CAPN13: variants seen among roughly 807,000 people sequenced by gnomAD.
The protein encoded by CAPN13 is calpain-13.
In CAPN13, 90 loss-of-function variants were observed where a neutral mutation model predicts 98.4. That is an observed-to-expected ratio of 0.92 (90% CI 0.77 to 1.09). CAPN13 has a LOEUF of 1.09. Among genes scored for constraint, CAPN13 ranks in the 50% least tolerant of loss-of-function variants. The pLI is 0.00. For missense variants in CAPN13, 887 were observed against 841.3 expected (o/e 1.05, Z -0.67); for synonymous variants, 330 against 305.5 (o/e 1.08, Z -0.84).
chr2:30,773,015 G>A (rs1168815375), intron 4 of CAPN13, among the ~76,000 whole-genome samples: 1 of 152,062 alleles, frequency 6.6e-6, no homozygotes, highest in African/African-American at 2.4e-5. Context: ...TAGTAGAGAT[G>A]GGGTTTCACC....
chr2:30,784,188 GA>G (rs57994890), intron 2 of CAPN13, among the ~76,000 whole-genome samples: 7 of 145,680 alleles, frequency 4.8e-5, no homozygotes, highest in East Asian at 4.0e-4. Context: ...TCAAAAAAAA[GA>G]AAAAAAAAAG....
chr2:30,731,525 C>T (rs897773025), intron 20 of CAPN13, 126 bp from the exon 21 acceptor site: 8 of 729,930 alleles, frequency 1.1e-5, no homozygotes, highest in South Asian at 4.3e-5. Flanking sequence ...TCCTGCTCCG[C>T]GGGGTGTGCC....
rs757153506 is a variant in CAPN13, at chr2:30,787,245, G to A, written c.81C>T (p.His27=). 2 of 1,613,044 alleles carry A rather than the reference G, an allele frequency of 1.2e-6. No individual in the cohort carries two copies. The highest frequency in any genetic ancestry group is 4.5e-5 in the East Asian group (2 of 44,868). Residue 27 remains histidine (H), a synonymous_variant, in exon 2 of 23, where the codon CAC becomes CAT. Coordinates refer to ENST00000295055, the MANE Select transcript of CAPN13 (RefSeq NM_144575.3). ...TAAACGTCCGGCCCATGCTCAGGCA[G>A]TGATCCCGCAAGGTGGTAAAGTCCT... ...KDQDFTTLRD[H]CLSMGRTFKD... is the part of the protein sequence containing the mutation.
intron 1 of CAPN13, among the ~76,000 whole-genome samples, chr2:30,792,874 A>C (rs567319775): frequency 5.3e-5 from 8 of 151,992 alleles, no homozygotes; most frequent in Admixed American, 4.6e-4. Flanking sequence ...ATACCACATC[A>C]TAAGTTGGGT....
chr2:30,724,626 G>T (rs552052205), intron 22 of CAPN13, among the ~76,000 whole-genome samples: 2 of 152,194 alleles, frequency 1.3e-5, no homozygotes, highest in Admixed American at 6.5e-5. Flanking sequence ...GCTCCAGAAG[G>T]CTGGACACCC....
chr2:30,768,288 G>T (rs1431234796), intron 5 of CAPN13, among the ~76,000 whole-genome samples: 1 of 152,234 alleles, frequency 6.6e-6, no homozygotes, highest in Non-Finnish European at 1.5e-5. Flanking sequence ...AGGGAATCGG[G>T]TGGAAAGCAG....
intron 8 of CAPN13, among the ~76,000 whole-genome samples, chr2:30,755,605 G>A (rs947360169): frequency 2.0e-5 from 3 of 152,088 alleles, no homozygotes; most frequent in Non-Finnish European, 2.9e-5. Context: ...CCACTCCTTA[G>A]AGGGGAGGCA....
intron 10 of CAPN13, among the ~76,000 whole-genome samples, chr2:30,752,065 C>G (rs1198321225): frequency 6.6e-6 from 1 of 152,210 alleles, no homozygotes; most frequent in Non-Finnish European, 1.5e-5. Flanking sequence ...GAAGAGGAAT[C>G]AGTAAATTTG....
chr2:30,790,615 T>C (rs1674554964), intron 1 of CAPN13, among the ~76,000 whole-genome samples: 1 of 152,176 alleles, frequency 6.6e-6, no homozygotes, highest in Non-Finnish European at 1.5e-5. Context: ...TTTGCTGAGT[T>C]GGGTGACTGA....
At chr2:30,789,416 TTAA>T (rs368147582) in intron 1 of CAPN13, among the ~76,000 whole-genome samples, 6 of 152,348 alleles carry the variant, frequency 3.9e-5, no homozygotes, top group African/African-American at 1.4e-4. Context: ...GTAGTTACCC[TTAA>T]TAATACAATT....
At chr2:30,761,597 G>T (rs1308821912) in intron 7 of CAPN13, among the ~76,000 whole-genome samples, 1 of 152,144 alleles carries the variant, frequency 6.6e-6, no homozygotes, top group Non-Finnish European at 1.5e-5. Flanking sequence ...TGTATAAAAA[G>T]GATCTTGTCC....
intron 4 of CAPN13, among the ~76,000 whole-genome samples, chr2:30,771,845 G>C (rs897604039): frequency 6.6e-6 from 1 of 152,214 alleles, no homozygotes; most frequent in African/African-American, 2.4e-5. Flanking sequence ...GTAAGAGTAG[G>C]AACTGCCTCA....
At chr2:30,729,145 G>A (rs1670969697) in intron 22 of CAPN13, among the ~76,000 whole-genome samples, 1 of 152,174 alleles carries the variant, frequency 6.6e-6, no homozygotes, top group Non-Finnish European at 1.5e-5. Context: ...AGGAAGGTGG[G>A]TTTGTAGATT....
chr2:30,743,704 A>C, intron 12 of CAPN13, 125 bp from the exon 13 acceptor site: 1 of 836,502 alleles, frequency 1.2e-6, no homozygotes, highest in Non-Finnish European at 2.0e-6. Context: ...CAGGCTCTAT[A>C]AATGGAGACA....
chr2:30,788,713 G>A (rs1197516259), intron 1 of CAPN13, among the ~76,000 whole-genome samples: 1 of 152,098 alleles, frequency 6.6e-6, no homozygotes. Flanking sequence ...TTGAATCCTA[G>A]AAAAATACAT....
chr2:30,765,957 T>C (rs750220131), intron 5 of CAPN13, among the ~76,000 whole-genome samples: 6 of 152,202 alleles, frequency 3.9e-5, no homozygotes, highest in South Asian at 2.1e-4. Flanking sequence ...ATTTGCTCAG[T>C]TAACTGTAGA....
intron 7 of CAPN13, among the ~76,000 whole-genome samples, chr2:30,759,035 C>A (rs1672655211): frequency 1.9e-5 from 1 of 53,044 alleles, no homozygotes; most frequent in Non-Finnish European, 3.7e-5. Context: ...TCCTTCCCTC[C>A]CTCCCTCCTT....
intron 1 of CAPN13, among the ~76,000 whole-genome samples, chr2:30,800,957 GT>G (rs1192225932): frequency 1.3e-5 from 2 of 152,102 alleles, no homozygotes; most frequent in South Asian, 2.1e-4. Context: ...TCCCAGCATG[GT>G]TTTTTTCTTT....
intron 2 of CAPN13, among the ~76,000 whole-genome samples, chr2:30,780,859 C>T (rs1399874030): frequency 6.6e-6 from 1 of 152,178 alleles, no homozygotes; most frequent in African/African-American, 2.4e-5. Context: ...AGATGAGGCC[C>T]ATTAAGGAAA....
Sources: allele counts gnomAD v4.1 joint callset (sites outside exome capture counted in the v4.1 genomes callset), GRCh38; gene constraint gnomAD v4.1.1; transcripts MANE v1.5; gene names NCBI Gene and HGNC (gene_info 2026-07-23, HGNC 2026-07-21).